PAK2: variants seen among roughly 807,000 people sequenced by gnomAD.
The protein encoded by PAK2 is p21 (RAC1) activated kinase 2, also known as serine/threonine-protein kinase PAK 2.
Under a neutral mutation model 65.9 loss-of-function variants are expected in PAK2, and 21 were observed. The ratio of observed to expected loss-of-function variants is 0.32; its 90% CI spans 0.23 to 0.46. The LOEUF (loss-of-function observed/expected upper bound fraction) is 0.46, where lower values mean the gene tolerates loss of function less well. Ranked by LOEUF, PAK2 falls within the 20% of genes least tolerant of loss-of-function variation. The probability of loss-of-function intolerance (pLI) is 1.00; values close to 1 mark genes in which losing one functional copy is unlikely to be tolerated. For missense variants in PAK2, 324 were observed against 642.6 expected, an observed-to-expected ratio of 0.50 and a Z score of 5.36; for synonymous variants, 204 against 219.7, an observed-to-expected ratio of 0.93 and a Z score of 0.63.
At chr3:196,760,461 G>A (rs1713921637) in intron 1 of PAK2, among the ~76,000 whole-genome samples, 1 of 152,104 alleles carries the variant, frequency 6.6e-6, no homozygotes, top group African/African-American at 2.4e-5. Context: ...ATGTTGGCCA[G>A]GCTGGTCTCG....
intron 10 of PAK2, among the ~76,000 whole-genome samples, chr3:196,813,472 A>AG (rs1270669233): frequency 1.3e-5 from 2 of 151,530 alleles, no homozygotes; most frequent in African/African-American, 2.4e-5. Flanking sequence ...AAAAAAAAAA[A>AG]GAAAAGAAAA....
intron 2 of PAK2, among the ~76,000 whole-genome samples, chr3:196,800,641 A>G (rs1266101498): frequency 2.0e-5 from 3 of 152,232 alleles, no homozygotes; most frequent in Non-Finnish European, 4.4e-5. Flanking sequence ...GCATAAAGGC[A>G]GACAAACAGA....
intron 1 of PAK2, among the ~76,000 whole-genome samples, chr3:196,755,063 TAATTGA>T (rs1713724058): frequency 6.6e-6 from 1 of 152,226 alleles, no homozygotes; most frequent in South Asian, 2.1e-4. Context: ...ACCTTAAAGC[TAATTGA>T]AATCCTTCAA....
chr3:196,808,575 A>G (rs1321005510), intron 7 of PAK2, among the ~76,000 whole-genome samples: 13 of 138,776 alleles, frequency 9.4e-5, no homozygotes, highest in African/African-American at 3.6e-4. Flanking sequence ...AAAAAAAAAA[A>G]GCGAACCGGC....
intron 1 of PAK2, among the ~76,000 whole-genome samples, chr3:196,778,199 G>T (rs1357918115): frequency 6.6e-6 from 1 of 152,090 alleles, no homozygotes. Context: ...GTGTTCGAGG[G>T]TCATCCATGT....
At position 196,826,012 on chromosome 3, in the gene PAK2, T is replaced by C. The variant is rs200588931; in HGVS notation, c.1351-1184T>C. On this transcript the variant is annotated intron_variant, in intron 13 of 14. Coordinates refer to ENST00000327134, the MANE Select transcript of PAK2 (RefSeq NM_002577.4). ...GCATGTGCCACCACACCCAGCTAATTGTTTTTTTTTTGTATTTTTAGTAGC... is the reference window on the plus strand; with the variant it reads ...GCATGTGCCACCACACCCAGCTAATCGTTTTTTTTTTGTATTTTTAGTAGC... Among the ~76,000 whole-genome samples, 12 of 25,660 alleles carry C rather than the reference T, an allele frequency of 4.7e-4. No homozygotes were observed. The East Asian group carries it at 0.28, about 588-fold the overall frequency. The allele number at this position is 25,660 out of a possible 152,430, so 16.8% of individuals were successfully genotyped here. A position where few individuals can be genotyped will look rare whatever the true frequency, so the allele number is the denominator to read the frequency against.
intron 13 of PAK2, among the ~76,000 whole-genome samples, chr3:196,823,793 CAGGG>C (rs1233816044): frequency 7.2e-6 from 1 of 138,410 alleles, no homozygotes; most frequent in Non-Finnish European, 1.5e-5. Flanking sequence ...AACTGGGCGA[CAGGG>C]AGAGATTCTG....
chr3:196,826,079 T>A (rs1436474982), intron 13 of PAK2, among the ~76,000 whole-genome samples: 1 of 152,056 alleles, frequency 6.6e-6, no homozygotes, highest in Non-Finnish European at 1.5e-5. Context: ...CTCGAGCTCC[T>A]GAGCCCAGGC....
intron 1 of PAK2, among the ~76,000 whole-genome samples, chr3:196,775,834 A>G (rs1714519063): frequency 1.3e-5 from 2 of 152,236 alleles, no homozygotes; most frequent in South Asian, 4.1e-4. Flanking sequence ...GCAGTATGGT[A>G]AATACCATTG....
intron 1 of PAK2, among the ~76,000 whole-genome samples, chr3:196,742,778 T>A (rs145594311): frequency 6.6e-6 from 1 of 152,068 alleles, no homozygotes; most frequent in Non-Finnish European, 1.5e-5. Flanking sequence ...TTAGCCGGGC[T>A]TGGTGGCAGG....
intron 1 of PAK2, among the ~76,000 whole-genome samples, chr3:196,758,533 T>G (rs1214978849): frequency 1.3e-5 from 2 of 152,076 alleles, no homozygotes; most frequent in African/African-American, 4.8e-5. Context: ...AAGACTAAAG[T>G]GAGATGAGTC....
intron 11 of PAK2, among the ~76,000 whole-genome samples, chr3:196,816,862 A>G (rs936139216): frequency 1.3e-5 from 2 of 152,176 alleles, no homozygotes; most frequent in African/African-American, 4.8e-5. Context: ...GCTCTCTGAA[A>G]TATGGCATAA....
intron 1 of PAK2, among the ~76,000 whole-genome samples, chr3:196,748,970 T>A (rs1203524353): frequency 6.6e-6 from 1 of 152,214 alleles, no homozygotes; most frequent in Non-Finnish European, 1.5e-5. Flanking sequence ...TCTGCATGAT[T>A]TTGGCTACTC....
At chr3:196,780,844 A>G (rs1001586349) in intron 1 of PAK2, among the ~76,000 whole-genome samples, 3 of 152,118 alleles carry the variant, frequency 2.0e-5, no homozygotes, top group African/African-American at 7.2e-5. Context: ...GCTGGCATGC[A>G]GTGGCGCAAT....
intron 1 of PAK2, among the ~76,000 whole-genome samples, chr3:196,775,350 A>G (rs1052455277): frequency 1.4e-4 from 22 of 152,170 alleles, no homozygotes; most frequent in African/African-American, 5.1e-4. Context: ...GTTACTGCAT[A>G]GTATACTAAC....
intron 2 of PAK2, among the ~76,000 whole-genome samples, chr3:196,789,192 A>ATG (rs1490001266): frequency 1.3e-5 from 2 of 152,196 alleles, no homozygotes; most frequent in African/African-American, 4.8e-5. Context: ...AATAATGAAA[A>ATG]TGTCAGTGAG....
chr3:196,772,371 C>G (rs1714387407), intron 1 of PAK2, among the ~76,000 whole-genome samples: 1 of 152,168 alleles, frequency 6.6e-6, no homozygotes, highest in Non-Finnish European at 1.5e-5. Context: ...ATTGCTTACT[C>G]TTTTTGAGTT....
At chr3:196,804,028 T>C (rs145490178) in intron 4 of PAK2, among the ~76,000 whole-genome samples, 167 of 152,328 alleles carry the variant, frequency 1.1e-3, no homozygotes, top group Middle Eastern at 3.4e-3. Flanking sequence ...TCTTGACGTT[T>C]ATTTATTACA....
intron 1 of PAK2, among the ~76,000 whole-genome samples, chr3:196,744,634 A>T (rs1713313063): frequency 8.6e-6 from 1 of 116,778 alleles, no homozygotes; most frequent in South Asian, 2.6e-4. Context: ...TGAGTTAGAA[A>T]TAAGTAGTAC....
Sources: allele counts gnomAD v4.1 joint callset (sites outside exome capture counted in the v4.1 genomes callset), GRCh38; gene constraint gnomAD v4.1.1; transcripts MANE v1.5; gene names NCBI Gene and HGNC (gene_info 2026-07-23, HGNC 2026-07-21).